CLEC16A: variants seen among roughly 807,000 people sequenced by gnomAD.
The protein encoded by CLEC16A is protein CLEC16A.
A neutral mutation model predicts 109.5 loss-of-function variants in CLEC16A; 51 were observed. That is an observed-to-expected ratio of 0.47 (90% CI 0.37 to 0.59). CLEC16A has a LOEUF of 0.59. Ranked by LOEUF, CLEC16A falls within the 20% of genes least tolerant of loss-of-function variation. The pLI is 0.00. For synonymous variants in CLEC16A, 673 were observed against 564.2 expected (o/e 1.19, Z -2.73); for missense variants, 1,339 against 1,394.0 (o/e 0.96, Z 0.63).
intron 22 of CLEC16A, among the ~76,000 whole-genome samples, chr16:11,140,783 C>A (rs976647805): frequency 2.0e-5 from 3 of 152,214 alleles, no homozygotes; most frequent in African/African-American, 7.2e-5. Context: ...GAAGCCATTG[C>A]AATCAAGAGG....
At chr16:11,078,252 T>C (rs2058531) in intron 19 of CLEC16A, among the ~76,000 whole-genome samples, 60,811 of 151,754 alleles carry the variant, frequency 0.4, 13,318 homozygotes, top group African/African-American at 0.59. Context: ...TACCCAGACC[T>C]CACTCCAGAA....
chr16:10,980,398 G>T (rs971050745), intron 9 of CLEC16A, among the ~76,000 whole-genome samples: 1 of 151,930 alleles, frequency 6.6e-6, no homozygotes, highest in Non-Finnish European at 1.5e-5. Context: ...TTTTTCTGCT[G>T]CCTCTTTCCA....
intron 19 of CLEC16A, among the ~76,000 whole-genome samples, chr16:11,108,906 C>T (rs1027463691): frequency 2.0e-5 from 3 of 151,814 alleles, no homozygotes; most frequent in South Asian, 2.1e-4. Context: ...GTCAGGAGAT[C>T]GAGACCATCC....
At chr16:10,963,868 G>T (rs767645012) in intron 3 of CLEC16A, among the ~76,000 whole-genome samples, 4 of 152,206 alleles carry the variant, frequency 2.6e-5, no homozygotes, top group Non-Finnish European at 5.9e-5. Context: ...GAGGGTAGGG[G>T]TGCTGCTAAG....
chr16:11,026,641 TG>T (rs1226286794), intron 13 of CLEC16A, among the ~76,000 whole-genome samples: 33 of 133,692 alleles, frequency 2.5e-4, no homozygotes, highest in East Asian at 4.1e-4. Flanking sequence ...TATGTTTGTT[TG>T]GGGTTTTTTT....
chr16:11,067,559 A>G (rs2048841947), intron 19 of CLEC16A, among the ~76,000 whole-genome samples: 1 of 152,146 alleles, frequency 6.6e-6, no homozygotes, highest in Admixed American at 6.5e-5. Flanking sequence ...GAGGCTGGGT[A>G]GGAAGCCATG....
intron 11 of CLEC16A, among the ~76,000 whole-genome samples, chr16:11,017,841 C>G (rs1597064805): frequency 6.6e-6 from 1 of 151,952 alleles, no homozygotes; most frequent in African/African-American, 2.4e-5. Flanking sequence ...TCATCACAAG[C>G]AAGGACAGTC....
chr16:11,058,320 A>G (rs1438295341), intron 18 of CLEC16A, among the ~76,000 whole-genome samples: 2 of 152,232 alleles, frequency 1.3e-5, no homozygotes, highest in African/African-American at 2.4e-5. Flanking sequence ...AAGGATACCA[A>G]AATCCACAGA....
intron 10 of CLEC16A, among the ~76,000 whole-genome samples, chr16:10,993,328 A>G (rs1377926310): frequency 3.3e-5 from 5 of 152,138 alleles, no homozygotes; most frequent in South Asian, 4.1e-4. Flanking sequence ...GCAGTGAGCC[A>G]TGATCACACC....
chr16:11,138,279 C>T (rs1597527007), intron 22 of CLEC16A, among the ~76,000 whole-genome samples: 1 of 152,182 alleles, frequency 6.6e-6, no homozygotes, highest in Admixed American at 6.5e-5. Context: ...AGCTAGTGGG[C>T]TCTGTGGTGC....
chr16:10,976,146 T>C (rs1834457530), intron 7 of CLEC16A, among the ~76,000 whole-genome samples: 1 of 152,174 alleles, frequency 6.6e-6, no homozygotes, highest in Non-Finnish European at 1.5e-5. Flanking sequence ...AGCAGGTGCC[T>C]GTAATCTGAG....
chr16:11,122,892 C>CTTTTTTTTTTTT (rs1460227182), intron 20 of CLEC16A, among the ~76,000 whole-genome samples: 1 of 117,102 alleles, frequency 8.5e-6, no homozygotes, highest in African/African-American at 3.5e-5. Context: ...TTCCCTATCC[C>CTTTTTTTTTTTT]TTTCTTTTTT....
rs751601210 is a variant in CLEC16A at position 11,042,359 on chromosome 16, T to C, written c.1766T>C (p.Leu589Pro). Residue 589 changes from leucine (L) to proline (P), a missense_variant, in exon 15 of 24, where the codon CTG becomes CCG. By Grantham distance (98) the Leu-to-Pro change is moderately conservative. Transcript: ENST00000409790. ...ATGAAGGACGTGCACCTGGCCTGCC[T>C]GGAGGTAACGCCCTCTCCGCTCCTC... ...CIMKDVHLAC[L>P]EGAREESVHL... The C allele has an allele frequency of 6.3e-7, 1 of 1,578,850 alleles. No individual in the cohort carries two copies.
chr16:11,030,337 A>T (rs948748250), intron 13 of CLEC16A, among the ~76,000 whole-genome samples: 2 of 152,198 alleles, frequency 1.3e-5, no homozygotes. Flanking sequence ...TTATTTTAAG[A>T]TACTGCCAAA....
At chr16:11,099,500 C>T (rs1272010536) in intron 19 of CLEC16A, among the ~76,000 whole-genome samples, 1 of 152,246 alleles carries the variant, frequency 6.6e-6, no homozygotes, top group Non-Finnish European at 1.5e-5. Flanking sequence ...TGTGTGGTGG[C>T]TCTGTACTAG....
chr16:11,153,372 C>A (rs1333812854), intron 22 of CLEC16A, among the ~76,000 whole-genome samples: 1 of 151,910 alleles, frequency 6.6e-6, no homozygotes, highest in Admixed American at 6.6e-5. Flanking sequence ...GTTTTTATGA[C>A]CCCTGGAGCA....
chr16:10,989,493 G>C (rs56349395), intron 10 of CLEC16A, among the ~76,000 whole-genome samples: 2 of 151,860 alleles, frequency 1.3e-5, no homozygotes, highest in African/African-American at 4.8e-5. Flanking sequence ...CCTTGGCCTC[G>C]CAAAGTGCTG....
chr16:11,141,774 C>T (rs974923178), intron 22 of CLEC16A, among the ~76,000 whole-genome samples: 1 of 152,172 alleles, frequency 6.6e-6, no homozygotes, highest in African/African-American at 2.4e-5. Context: ...GACAGCGTGC[C>T]TGGTTATGAC....
intron 19 of CLEC16A, among the ~76,000 whole-genome samples, chr16:11,099,935 G>A (rs2050815273): frequency 1.3e-5 from 2 of 152,166 alleles, no homozygotes; most frequent in South Asian, 2.1e-4. Context: ...AGACAGTGGG[G>A]ATTGTGATTC....
Sources: allele counts gnomAD v4.1 joint callset (sites outside exome capture counted in the v4.1 genomes callset), GRCh38; gene constraint gnomAD v4.1.1; transcripts MANE v1.5; gene names NCBI Gene and HGNC (gene_info 2026-07-23, HGNC 2026-07-21).